C11orf58: variants seen among roughly 807,000 people sequenced by gnomAD.
The protein encoded by C11orf58 is chromosome 11 open reading frame 58, also known as small acidic protein.
C11orf58 carries 5 observed loss-of-function variants against 22.7 expected under a neutral mutation model. The observed-to-expected ratio is 0.22, with a 90% CI of 0.12 to 0.46. C11orf58 has a LOEUF of 0.46. Among genes scored for constraint, C11orf58 ranks in the 20% least tolerant of loss-of-function variants. The pLI is 0.99. For missense variants in C11orf58, 151 were observed against 223.3 expected (o/e 0.68, Z 2.06); for synonymous variants, 71 against 70.7 (o/e 1.00, Z -0.02).
At chr11:16,749,482 C>T (rs1470557336) in intron 3 of C11orf58, 1 of 152,178 alleles carries the variant, frequency 6.6e-6, no homozygotes, top group African/African-American at 2.4e-5. Flanking sequence ...GCTCCCAATC[C>T]CCGGTACCCA....
chr11:16,757,086 A>G lies in C11orf58; in HGVS notation c.*1982A>G, dbSNP rs746417152. On this transcript the variant is annotated 3_prime_UTR_variant, in exon 5 of 5. Transcript: ENST00000228136. ...TTTTGAAAAATAGATGCTATCCTCT[A>G]TAGTAAAATATTGAATCACTTTATA... Among the ~76,000 whole-genome samples, 3 of 151,502 alleles carry G rather than the reference A, an allele frequency of 2.0e-5. No homozygotes were observed. Among genetic ancestry groups the G allele is most frequent in the Non-Finnish European group, 1.5e-5 (1 of 67,910 alleles).
intron 3 of C11orf58, 45 bp from the exon 4 acceptor site, chr11:16,752,740 T>C (rs1275988734): frequency 2.9e-6 from 4 of 1,370,438 alleles, no homozygotes; most frequent in Non-Finnish European, 4.1e-6. Context: ...TTTGTGTAAA[T>C]TATTAATTTG....
chr11:16,748,312 C>T lies in C11orf58; in HGVS notation c.208+155C>T, dbSNP rs916215942. 1.4e-4 allele frequency: 81 copies of T among 568,352 alleles called. No individual in the cohort carries two copies. In the East Asian group the frequency reaches 1.5e-3, roughly 11 times the overall value. The allele number at this position is 568,352 out of a possible 1,614,324, so 35.2% of individuals were successfully genotyped here. A position where few individuals can be genotyped will look rare whatever the true frequency, so the allele number is the denominator to read the frequency against. On this transcript the variant is annotated intron_variant, in intron 3 of 4. Coordinates refer to ENST00000228136, the MANE Select transcript of C11orf58 (RefSeq NM_014267.6). Reference sequence around the variant, plus strand: ...TGCAGTGGCTTAATGCCTGTAATCCCGGTTATTTGGGAGGTTAAAGTGGGA... The same window carrying T: ...TGCAGTGGCTTAATGCCTGTAATCCTGGTTATTTGGGAGGTTAAAGTGGGA...
Position 16,755,013 on chromosome 11 carries a change from C to T in C11orf58, c.461C>T (p.Ala154Val). The change falls in exon 5 of 5, where the codon GCT becomes GTT. Residue 154 changes from alanine (A) to valine (V), a missense_variant. This residue lies in a region of C11orf58 where 112 missense variants were observed against 162.6 expected (regional missense o/e 0.69). Transcript: ENST00000228136. ...GAATCTGCTGAAGAACTCCAAGCTGCTGAGCACCCTGATGAAGTGGAGGAT... is the reference window on the plus strand; with the variant it reads ...GAATCTGCTGAAGAACTCCAAGCTGTTGAGCACCCTGATGAAGTGGAGGAT... ...KEESAEELQAAEHPDEVEDPK... is the reference protein window; with the variant it reads ...KEESAEELQAVEHPDEVEDPK... The T allele has an allele frequency of 6.2e-7, 1 of 1,614,132 alleles. No homozygotes were observed. Among genetic ancestry groups the T allele is most frequent in the Non-Finnish European group, 8.5e-7 (1 of 1,180,028 alleles).
rs1047265857 is a variant in C11orf58, at chr11:16,758,062, G to A, written c.*2958G>A. 3.3e-5 allele frequency among the ~76,000 whole-genome samples: 5 copies of A among 152,152 alleles called. No homozygotes were observed. The highest frequency in any genetic ancestry group is 7.3e-5 in the Non-Finnish European group (5 of 68,030). ...CACATCCTAAATACTTGGAATATCC[G>A]AAAACAACTTCTAAAATCACTCAAT... On this transcript the variant is annotated 3_prime_UTR_variant, in exon 5 of 5. Transcript: ENST00000228136.
chr11:16,742,849 G>T (rs1385737582), intron 1 of C11orf58, among the ~76,000 whole-genome samples: 1 of 152,104 alleles, frequency 6.6e-6, no homozygotes, highest in African/African-American at 2.4e-5. Context: ...TATGCTAAAT[G>T]TGGGGGATTG....
chr11:16,739,810 C>G (rs1412298880), intron 1 of C11orf58, among the ~76,000 whole-genome samples: 1 of 151,978 alleles, frequency 6.6e-6, no homozygotes, highest in Non-Finnish European at 1.5e-5. Context: ...GTTTAAAGTA[C>G]TGTCAATTTC....
intron 2 of C11orf58, 94 bp from the exon 3 acceptor site, chr11:16,748,003 C>T (rs1848500973): frequency 1.1e-6 from 1 of 921,820 alleles, no homozygotes; most frequent in African/African-American, 1.7e-5. Context: ...TCACTGTGTC[C>T]CAGAAGCCTA....
chr11:16,740,857 G>A (rs912939789), intron 1 of C11orf58, among the ~76,000 whole-genome samples: 4 of 150,986 alleles, frequency 2.6e-5, no homozygotes, highest in African/African-American at 9.7e-5. Context: ...ACTTTGGGAG[G>A]CCAAGGCAGG....
chr11:16,748,263 T>A, intron 3 of C11orf58, 106 bp downstream of exon 3: 3 of 931,402 alleles, frequency 3.2e-6, no homozygotes, highest in Non-Finnish European at 5.0e-6. Context: ...TGTAAATTAT[T>A]AAAATATTAT....
chr11:16,753,012 T>C (rs988361000), intron 4 of C11orf58, 118 bp downstream of exon 4: 11 of 688,734 alleles, frequency 1.6e-5, no homozygotes, highest in Admixed American at 6.4e-5. Flanking sequence ...TGTATGTAGT[T>C]ATCTTAAAAA....
In C11orf58 at chr11:16,758,040, A is replaced by T. The variant is rs1156588169; in HGVS notation, c.*2936A>T. 6.6e-6 allele frequency among the ~76,000 whole-genome samples: 1 copy of T among 152,084 alleles called. No homozygotes were observed. On this transcript the variant is annotated 3_prime_UTR_variant, in exon 5 of 5. Coordinates refer to ENST00000228136, the MANE Select transcript of C11orf58 (RefSeq NM_014267.6). ...CATTACTTGTTTCCACCACAGCCACATCCTAAATACTTGGAATATCCGAAA... is the reference window on the plus strand; with the variant it reads ...CATTACTTGTTTCCACCACAGCCACTTCCTAAATACTTGGAATATCCGAAA...
At chr11:16,748,372 G>A (rs1048198696) in intron 3 of C11orf58, 1 of 418,262 alleles carries the variant, frequency 2.4e-6, no homozygotes, top group Non-Finnish European at 4.4e-6. Flanking sequence ...AGGCTGCAAT[G>A]AAGCTATGAT....
rs376315949 is a variant in C11orf58, at chr11:16,757,941, C to A, written c.*2837C>A. 3.3e-5 allele frequency among the ~76,000 whole-genome samples: 5 copies of A among 152,188 alleles called. No individual in the cohort carries two copies. Among genetic ancestry groups the A allele is most frequent in the African/African-American group, 1.2e-4 (5 of 41,442 alleles). On this transcript the variant is annotated 3_prime_UTR_variant, in exon 5 of 5. Coordinates refer to ENST00000228136, the MANE Select transcript of C11orf58 (RefSeq NM_014267.6). ...TGAGAGCACAAAGGTCACATTCTTTCAGTAAATTTGGGGGAAATAAATTTC... is the reference window on the plus strand; with the variant it reads ...TGAGAGCACAAAGGTCACATTCTTTAAGTAAATTTGGGGGAAATAAATTTC...
At chr11:16,742,209 A>G (rs909601892) in intron 1 of C11orf58, among the ~76,000 whole-genome samples, 7 of 152,250 alleles carry the variant, frequency 4.6e-5, no homozygotes, top group African/African-American at 9.7e-5. Context: ...TTTAACTTCT[A>G]TACATTTTTA....
chr11:16,741,809 C>CTAA (rs1481585550), intron 1 of C11orf58, among the ~76,000 whole-genome samples: 1 of 152,184 alleles, frequency 6.6e-6, no homozygotes, highest in Non-Finnish European at 1.5e-5. Flanking sequence ...TCTCCCATTA[C>CTAA]CCCCCAGATG....
intron 2 of C11orf58, among the ~76,000 whole-genome samples, chr11:16,745,554 A>G (rs1009147535): frequency 6.6e-6 from 1 of 152,230 alleles, no homozygotes; most frequent in South Asian, 2.1e-4. Flanking sequence ...GTGGATTATC[A>G]TAAAGGTCTT....
rs1240274810 is a variant in C11orf58, at chr11:16,738,848, A to G, written c.63+7A>G. The G allele has an allele frequency of 1.9e-6, 3 of 1,613,930 alleles. No homozygotes were observed. Among genetic ancestry groups the G allele is most frequent in the Admixed American group, 1.7e-5 (1 of 60,004 alleles). On this transcript the variant is annotated splice_region_variant and intron_variant, in intron 1 of 4. Coordinates refer to ENST00000228136, the MANE Select transcript of C11orf58 (RefSeq NM_014267.6). ...AGCCTCCCCAGACGACGATGTAAAT[A>G]ATAATGGCGGAGTGGCTGAGGGTTG...
At chr11:16,752,924 ATAAT>A in intron 4 of C11orf58, 30 bp downstream of exon 4, 1 of 1,529,562 alleles carries the variant, frequency 6.5e-7, no homozygotes. Flanking sequence ...CATTGGGAAG[ATAAT>A]TAGTTTTCAA....
Sources: allele counts gnomAD v4.1 joint callset (sites outside exome capture counted in the v4.1 genomes callset), GRCh38; gene constraint gnomAD v4.1.1; regional missense constraint gnomAD v4.1.1; transcripts MANE v1.5; gene names NCBI Gene and HGNC (gene_info 2026-07-23, HGNC 2026-07-21).